The following CCL25 variants were observed in gnomAD, a reference collection of about 807,000 sequenced individuals.
CCL25 encodes C-C motif chemokine ligand 25, also known as C-C motif chemokine 25.
A neutral mutation model predicts 19.9 loss-of-function variants in CCL25; 14 were observed. The ratio of observed to expected loss-of-function variants is 0.70; its 90% CI spans 0.47 to 1.10. CCL25 has a LOEUF of 1.10. Ranked by LOEUF, CCL25 falls within the 50% of genes least tolerant of loss-of-function variation. The pLI is 0.00. For missense variants in CCL25, 151 were observed against 181.2 expected (o/e 0.83, Z 0.96); for synonymous variants, 68 against 73.2 (o/e 0.93, Z 0.36).
chr19:8,057,871 C>T lies in CCL25; in HGVS notation c.396C>T (p.Pro132=), dbSNP rs547793796. ...SKLSSSKFSN[P]ISSSKRNVSL... is the part of the protein sequence containing the mutation. ...TATCATCGTCCAAGTTTAGCAATCC[C>T]ATCAGCAGCAGTAAGAGGAATGTCT... The change falls in exon 5 of 6, where the codon CCC becomes CCT. Residue 132 remains proline (P), a synonymous_variant. Coordinates refer to ENST00000315626, the MANE Select transcript of CCL25 (RefSeq NM_005624.4). 4.6e-4 allele frequency: 749 copies of T among 1,613,508 alleles called. 6 individuals are homozygous for T. The South Asian group carries it at 7.7e-3, about 17-fold the overall frequency.
intron 5 of CCL25, among the ~76,000 whole-genome samples, chr19:8,059,160 A>AAATATATATTATAATATATAATATATATT (rs2081300780): frequency 3.0e-5 from 1 of 33,286 alleles, no homozygotes; most frequent in African/African-American, 1.5e-4. Flanking sequence ...TAATATATAT[A>AAATATATATTATAATATATAATATATATT]ATATATAATA....
chr19:8,059,075 AATATATATAAT>A (rs1238372754), intron 5 of CCL25, among the ~76,000 whole-genome samples: 1 of 34,296 alleles, frequency 2.9e-5, no homozygotes, highest in Non-Finnish European at 7.6e-5. Context: ...TATAATATAT[AATATATATAAT>A]ATATATAATG....
chr19:8,058,048 G>C (rs1282365923), intron 5 of CCL25, 128 bp downstream of exon 5: 7 of 1,429,706 alleles, frequency 4.9e-6, no homozygotes, highest in Non-Finnish European at 6.5e-6. Flanking sequence ...TGTGCGGTCA[G>C]TGCCGCAGAT....
At chr19:8,053,196 T>C in intron 2 of CCL25, 74 bp downstream of exon 2, 1 of 945,294 alleles carries the variant, frequency 1.1e-6, no homozygotes, top group Middle Eastern at 2.2e-4. Flanking sequence ...TTGTCTCTTA[T>C]CTCCTCCGGA....
intron 2 of CCL25, 75 bp downstream of exon 2, chr19:8,053,197 C>A: frequency 1.1e-6 from 1 of 937,352 alleles, no homozygotes; most frequent in Non-Finnish European, 1.6e-6. Flanking sequence ...TGTCTCTTAT[C>A]TCCTCCGGAA....
Position 8,062,064 on chromosome 19 carries a change from A to G in CCL25, c.446-154A>G, listed in dbSNP as rs895477192. ...ACTGTCTCAAAAAAAAAAAAAAAAA[A>G]AAAAGTTAGCATAAAAGATTCTAGC... On this transcript the variant is annotated intron_variant, in intron 5 of 5. Transcript: ENST00000315626. Among the ~76,000 whole-genome samples the G allele has an allele frequency of 5.9e-5, 9 of 151,674 alleles. No individual in the cohort carries two copies. The East Asian group carries it at 1.4e-3, about 23-fold the overall frequency.
intron 5 of CCL25, among the ~76,000 whole-genome samples, chr19:8,059,811 C>T (rs1238505853): frequency 4.0e-5 from 6 of 151,688 alleles, no homozygotes; most frequent in Admixed American, 1.3e-4. Context: ...CCAGGATGGC[C>T]GGGCGCGGTG....
intron 4 of CCL25, among the ~76,000 whole-genome samples, chr19:8,057,139 G>A (rs944223854): frequency 1.1e-5 from 1 of 91,860 alleles, no homozygotes; most frequent in African/African-American, 4.3e-5. Flanking sequence ...TCCCGCCTCA[G>A]CCCCCTAAGT....
At chr19:8,059,519 A>G (rs2081303797) in intron 5 of CCL25, among the ~76,000 whole-genome samples, 1 of 152,006 alleles carries the variant, frequency 6.6e-6, no homozygotes, top group Non-Finnish European at 1.5e-5. Context: ...ATCTGGAGGT[A>G]GTGACACAAT....
In CCL25 at chr19:8,056,234, G is replaced by A. The variant is rs369217231; in HGVS notation, c.156G>A (p.Gln52=). The part of the protein sequence containing the change: ...VLRRAWTYRI[Q]EVSGSCNLPA... ...GGCGCGCCTGGACTTACCGGATCCA[G>A]GAGGTGAGCGGGAGCTGCAATCTGC... Residue 52 remains glutamine, a synonymous_variant, in exon 3 of 6, where the codon CAG becomes CAA. Coordinates refer to ENST00000315626, the MANE Select transcript of CCL25 (RefSeq NM_005624.4). The A allele has an allele frequency of 1.9e-6, 3 of 1,589,770 alleles. No individual in the cohort carries two copies. Among genetic ancestry groups the A allele is most frequent in the African/African-American group, 2.7e-5 (2 of 74,222 alleles).
chr19:8,056,210 G>A lies in CCL25; in HGVS notation c.132G>A (p.Arg44=), dbSNP rs1182540317. The A allele has an allele frequency of 6.4e-7, 1 of 1,572,818 alleles. No individual in the cohort carries two copies. The highest frequency in any genetic ancestry group is 8.6e-7 in the Non-Finnish European group (1 of 1,158,894). Reference sequence around the variant, plus strand: ...ACCCCATTGGGTGGGCTGTGCTCCGGCGCGCCTGGACTTACCGGATCCAGG... The same window carrying A: ...ACCCCATTGGGTGGGCTGTGCTCCGACGCGCCTGGACTTACCGGATCCAGG... ...YHYPIGWAVL[R]RAWTYRIQEV... Residue 44 remains arginine (R), a synonymous_variant, in exon 3 of 6, where the codon CGG becomes CGA. Transcript: ENST00000315626.
Position 8,062,339 on chromosome 19 carries a change from A to C in CCL25, c.*114A>C. 3 of 1,190,538 alleles carry C rather than the reference A, an allele frequency of 2.5e-6. No homozygotes were observed. The highest frequency in any genetic ancestry group is 1.2e-5 in the South Asian group (1 of 80,726). 73.7% of individuals were successfully genotyped at this position (1,190,538 alleles called of 1,614,324 possible). The stretch of plus-strand genomic sequence containing the variant: ...GCCTCTGTCTTTTGGGTCAAGTCTT[A>C]ATCCCTGCACCTGAGTTGGTCCTCC... On this transcript the variant is annotated 3_prime_UTR_variant, in exon 6 of 6. Transcript: ENST00000315626.
intron 5 of CCL25, among the ~76,000 whole-genome samples, chr19:8,058,124 G>C (rs1015688182): frequency 6.6e-6 from 1 of 151,768 alleles, no homozygotes; most frequent in Non-Finnish European, 1.5e-5. Flanking sequence ...CACAGCAAGT[G>C]AGAAAGTAAA....
chr19:8,059,170 AT>A (rs2081301271), intron 5 of CCL25, among the ~76,000 whole-genome samples: 1 of 103,972 alleles, frequency 9.6e-6, no homozygotes, highest in South Asian at 2.8e-4. Context: ...AATATATAAT[AT>A]ATATAATATA....
At chr19:8,054,698 TC>T (rs2081256913) in intron 2 of CCL25, among the ~76,000 whole-genome samples, 3 of 150,346 alleles carry the variant, frequency 2.0e-5, no homozygotes, top group Non-Finnish European at 4.4e-5. Flanking sequence ...TGCCTGTGCT[TC>T]CCCCTTTCTG....
At chr19:8,060,994 T>TTC in intron 5 of CCL25, among the ~76,000 whole-genome samples, 1 of 145,064 alleles carries the variant, frequency 6.9e-6, no homozygotes, top group African/African-American at 2.6e-5. Flanking sequence ...TTTTTTTTTT[T>TTC]TTTTTTTTTG....
intron 2 of CCL25, among the ~76,000 whole-genome samples, chr19:8,053,934 G>A (rs917407649): frequency 1.3e-5 from 2 of 152,186 alleles, no homozygotes; most frequent in Non-Finnish European, 2.9e-5. Flanking sequence ...TGAGGGTCCA[G>A]TGAGCTCATG....
At chr19:8,053,213 C>T in intron 2 of CCL25, 91 bp downstream of exon 2, 1 of 750,686 alleles carries the variant, frequency 1.3e-6, no homozygotes, top group Non-Finnish European at 2.1e-6. Flanking sequence ...CGGAAGTCTC[C>T]CCAATCCCAT....
chr19:8,052,800 C>A lies in CCL25; in HGVS notation c.-73C>A. 2.2e-6 allele frequency: 1 copy of A among 452,634 alleles called. No homozygotes were observed. The highest frequency in any genetic ancestry group is 3.9e-6 in the Non-Finnish European group (1 of 255,304). 28.0% of individuals were successfully genotyped at this position (452,634 alleles called of 1,614,324 possible). On this transcript the variant is annotated 5_prime_UTR_variant, in exon 1 of 6. Coordinates refer to ENST00000315626, the MANE Select transcript of CCL25 (RefSeq NM_005624.4). ...TGGCCTACAGCCCGGCGGGCATCAG[C>A]TCCCTTGACCCAGTGGATATCGGTG...
Sources: allele counts gnomAD v4.1 joint callset (sites outside exome capture counted in the v4.1 genomes callset), GRCh38; gene constraint gnomAD v4.1.1; transcripts MANE v1.5; gene names NCBI Gene and HGNC (gene_info 2026-07-23, HGNC 2026-07-21).